FANCI: variants seen among roughly 807,000 people sequenced by gnomAD.
FANCI encodes the protein FA complementation group I, also known as Fanconi anemia group I protein.
In FANCI, 156 loss-of-function variants were observed where a neutral mutation model predicts 176.1. The observed-to-expected ratio is 0.89, with a 90% CI of 0.78 to 1.01. The LOEUF (loss-of-function observed/expected upper bound fraction) is 1.01. Among genes scored for constraint, FANCI ranks in the 50% least tolerant of loss-of-function variants. The probability of loss-of-function intolerance (pLI) is 0.00; values close to 1 mark genes in which losing one functional copy is unlikely to be tolerated. For synonymous variants in FANCI, 613 were observed against 541.7 expected (o/e 1.13, Z -1.83); for missense variants, 1,678 against 1,534.1 (o/e 1.09, Z -1.57).
intron 10 of FANCI, among the ~76,000 whole-genome samples, chr15:89,270,514 T>A (rs971085286): frequency 5.9e-5 from 9 of 152,146 alleles, no homozygotes; most frequent in African/African-American, 1.9e-4. Flanking sequence ...ATATCTTATT[T>A]TTTTTTTCTT....
Position 89,264,409 on chromosome 15 carries a change from ATTAT to A in FANCI, c.670-105_670-102del, listed in dbSNP as rs545243068. On this transcript the variant is annotated intron_variant, in intron 8 of 37. Coordinates refer to ENST00000310775, the MANE Select transcript of FANCI (RefSeq NM_001113378.2). ...TTCTTAGTTTGAGTCTAAGTCATAG[ATTAT>A]TTATTTAAATTTGTACTGGAGAATT... 2.2e-4 allele frequency: 182 copies of A among 845,004 alleles called. 2 individuals carry two copies. In the South Asian group the frequency reaches 2.4e-3, roughly 11 times the overall value. 52.3% of individuals were successfully genotyped at this position (845,004 alleles called of 1,614,324 possible).
Position 89,264,549 on chromosome 15 carries a change from A to G in FANCI, c.697A>G (p.Ile233Val), listed in dbSNP as rs757102747. The G allele has an allele frequency of 3.1e-6, 5 of 1,613,876 alleles. No individual in the cohort carries two copies. The highest frequency in any genetic ancestry group is 3.3e-4 in the Middle Eastern group (2 of 6,062). The change falls in exon 9 of 38, where the codon ATC (isoleucine) becomes GTC (valine). Residue 233 changes from isoleucine to valine, a missense_variant. Physicochemically the swap from Ile to Val is conservative, Grantham distance 29. Around this residue, in one of 3 missense-constraint regions of FANCI, gnomAD observed 469 missense variants for 436.9 expected, o/e 1.07. Transcript: ENST00000310775. ...AAGCAGAAAGAGTGTTTTGGAAGGA[A>G]TCATAGCCTTCTTCAGTGCACTAGA... Reference protein sequence around the residue: ...KGSRKSVLEGIIAFFSALDKQ... With the variant: ...KGSRKSVLEGVIAFFSALDKQ...
chr15:89,285,298 A>G, intron 18 of FANCI, 80 bp downstream of exon 18: 1 of 1,544,836 alleles, frequency 6.5e-7, no homozygotes, highest in East Asian at 2.4e-5. Context: ...CTGATTATAA[A>G]AGTACAATAG....
At chr15:89,268,626 A>C in intron 10 of FANCI, 101 bp downstream of exon 10, 2 of 1,466,766 alleles carry the variant, frequency 1.4e-6, no homozygotes, top group Non-Finnish European at 1.9e-6. Flanking sequence ...AAATACTGTA[A>C]AATGACCCTG....
In FANCI at chr15:89,316,539, A is replaced by C; in HGVS notation, c.*80A>C. ...CAAGCAACAATGCCCCTTGTCCTGT[A>C]GTCCACACCGATGTTGGCATCTTGG... On this transcript the variant is annotated 3_prime_UTR_variant, in exon 38 of 38. Coordinates refer to ENST00000310775, the MANE Select transcript of FANCI (RefSeq NM_001113378.2). The C allele has an allele frequency of 1.4e-6, 2 of 1,398,970 alleles. No individual in the cohort carries two copies. Among genetic ancestry groups the C allele is most frequent in the Middle Eastern group, 1.8e-4 (1 of 5,692 alleles). The allele number at this position is 1,398,970 out of a possible 1,614,324, so 86.7% of individuals were successfully genotyped here.
chr15:89,283,115 A>C, intron 16 of FANCI, 21 bp from the exon 17 acceptor site: 1 of 1,613,880 alleles, frequency 6.2e-7, no homozygotes, highest in South Asian at 1.1e-5. Flanking sequence ...CTGTTTGTTA[A>C]CTTCTCTATT....
At chr15:89,277,584 C>T (rs1714712909) in intron 13 of FANCI, among the ~76,000 whole-genome samples, 1 of 147,142 alleles carries the variant, frequency 6.8e-6, no homozygotes, top group South Asian at 2.2e-4. Flanking sequence ...TGCACTCCAG[C>T]CTGGGTAACA....
intron 34 of FANCI, 36 bp from the exon 35 acceptor site, chr15:89,312,868 C>T (rs775747777): frequency 1.3e-6 from 2 of 1,500,330 alleles, no homozygotes; most frequent in Non-Finnish European, 1.8e-6. Flanking sequence ...ACAGAAAAAT[C>T]ATCAGGAATA....
At chr15:89,269,131 C>T (rs912942081) in intron 10 of FANCI, among the ~76,000 whole-genome samples, 2 of 152,210 alleles carry the variant, frequency 1.3e-5, no homozygotes, top group Admixed American at 6.5e-5. Context: ...ATGTTCCCTT[C>T]ACCTAGATTG....
intron 2 of FANCI, among the ~76,000 whole-genome samples, chr15:89,249,956 T>C (rs1386156696): frequency 1.3e-5 from 2 of 152,232 alleles, no homozygotes; most frequent in Admixed American, 1.3e-4. Flanking sequence ...ACATGTCATA[T>C]ACTAGAGCAC....
intron 3 of FANCI, among the ~76,000 whole-genome samples, 155 bp from the exon 4 acceptor site, chr15:89,260,558 T>C (rs1460146572): frequency 2.0e-5 from 3 of 152,238 alleles, no homozygotes; most frequent in Non-Finnish European, 4.4e-5. Flanking sequence ...TAAGCACTTT[T>C]TCAAAGCCCT....
chr15:89,292,738 A>C lies in FANCI; in HGVS notation c.2043A>C (p.Thr681=). ...ATTGTTTGGCCTGGTATAAGAATAC[A>C]GTCATACCCTTACAGCAGGGAGAGG... ...IQHCLAWYKN[T]VIPLQQGEEE... The change falls in exon 21 of 38, where the codon ACA becomes ACC. Residue 681 remains threonine, a synonymous_variant. Coordinates refer to ENST00000310775, the MANE Select transcript of FANCI (RefSeq NM_001113378.2). The C allele has an allele frequency of 6.2e-7, 1 of 1,613,976 alleles. No homozygotes were observed. The highest frequency in any genetic ancestry group is 8.5e-7 in the Non-Finnish European group (1 of 1,179,976).
At chr15:89,248,605 C>A (rs543171372) in intron 2 of FANCI, among the ~76,000 whole-genome samples, 1 of 151,938 alleles carries the variant, frequency 6.6e-6, no homozygotes, top group Non-Finnish European at 1.5e-5. Flanking sequence ...TAACTTGAAT[C>A]ATTCTATAGA....
At chr15:89,274,599 CTTTTTTTTTT>C (rs1157910630) in intron 12 of FANCI, among the ~76,000 whole-genome samples, 1 of 82,814 alleles carries the variant, frequency 1.2e-5, no homozygotes. Context: ...TCTTTCTTTC[CTTTTTTTTTT>C]TTTTTTTTTT....
chr15:89,263,472 C>G lies in FANCI; in HGVS notation c.545+12C>G, dbSNP rs2052802070. 3.1e-6 allele frequency: 5 copies of G among 1,608,302 alleles called. No homozygotes were observed. The highest frequency in any genetic ancestry group is 2.2e-5 in the South Asian group (2 of 90,940). ...ACCTCCATGTTCAAGTAAGCATCAT[C>G]TTTTCCCTTTTCTTTGTGTATCCTG... On this transcript the variant is annotated intron_variant, in intron 7 of 37. Coordinates refer to ENST00000310775, the MANE Select transcript of FANCI (RefSeq NM_001113378.2).
At position 89,305,629 on chromosome 15, in the gene FANCI, A is replaced by G. The variant is rs747095473; in HGVS notation, c.3280A>G (p.Lys1094Glu). The change falls in exon 31 of 38, where the codon AAG (lysine) becomes GAG (glutamate). Residue 1094 changes from lysine (K) to glutamate (E), a missense_variant. Around this residue, in one of 3 missense-constraint regions of FANCI, gnomAD observed 1,204 missense variants for 1,077.4 expected, o/e 1.12. Coordinates refer to ENST00000310775, the MANE Select transcript of FANCI (RefSeq NM_001113378.2). ...VCLLVLSQAEKVLEEVDWLIT... is the reference protein window; with the variant it reads ...VCLLVLSQAEEVLEEVDWLIT... Reference sequence around the variant, plus strand: ...GTTACTTGTTCTGAGTCAGGCCGAGAAGGTTCTAGAAGAAGTGGACTGGCT... The same window carrying G: ...GTTACTTGTTCTGAGTCAGGCCGAGGAGGTTCTAGAAGAAGTGGACTGGCT... The G allele has an allele frequency of 6.2e-7, 1 of 1,614,178 alleles. No individual in the cohort carries two copies. Among genetic ancestry groups the G allele is most frequent in the South Asian group, 1.1e-5 (1 of 91,084 alleles).
At chr15:89,280,578 TCTC>T (rs143100869) in intron 14 of FANCI, among the ~76,000 whole-genome samples, 3,728 of 152,242 alleles carry the variant, frequency 0.024, 127 homozygotes, top group African/African-American at 0.078. Context: ...TTAAGTTCCT[TCTC>T]CTCATTGCTT....
intron 15 of FANCI, 115 bp downstream of exon 15, chr15:89,281,415 C>A: frequency 7.5e-7 from 1 of 1,331,476 alleles, no homozygotes; most frequent in Non-Finnish European, 1.1e-6. Flanking sequence ...CCACTTTAGT[C>A]TGAAACATAA....
At chr15:89,283,026 C>A in intron 16 of FANCI, 110 bp from the exon 17 acceptor site, 1 of 1,059,898 alleles carries the variant, frequency 9.4e-7, no homozygotes, top group Non-Finnish European at 1.5e-6. Flanking sequence ...CTCTACGCTT[C>A]ATTGTTTATA....
Sources: gnomAD v4.1 joint callset for allele counts (sites outside exome capture counted in the v4.1 genomes callset) on GRCh38, gnomAD v4.1.1 for gene constraint, gnomAD v4.1.1 regional missense constraint, MANE v1.5 for transcripts, NCBI Gene and HGNC (gene_info 2026-07-23, HGNC 2026-07-21) for gene names.